CCDC73: variants seen among roughly 807,000 people sequenced by gnomAD.
CCDC73 encodes coiled-coil domain containing 73, also known as coiled-coil domain-containing protein 73.
CCDC73 carries 95 observed loss-of-function variants against 116.5 expected under a neutral mutation model. That is an observed-to-expected ratio of 0.82 (90% CI 0.69 to 0.97). CCDC73 has a LOEUF of 0.97. CCDC73 is among the 50% of genes least tolerant of loss of function. The pLI is 0.00. For synonymous variants in CCDC73, 398 were observed against 401.3 expected, an observed-to-expected ratio of 0.99 and a Z score of 0.10; for missense variants, 1,066 against 1,206.8, an observed-to-expected ratio of 0.88 and a Z score of 1.73.
At chr11:32,814,137 C>A in the CCDC73 span, among the ~76,000 whole-genome samples, 2 of 152,032 alleles carry the variant, frequency 1.3e-5, no homozygotes, top group Non-Finnish European at 2.9e-5. Context: ...TTATTTATTG[C>A]CCTGAGATTC....
Position 32,761,483 on chromosome 11 carries a change from G to C in CCDC73, c.-15-1225C>G, listed in dbSNP as rs189456467. On this transcript the variant is annotated intron_variant, in intron 1 of 17. Transcript: ENST00000335185. ...AAAATTGTTGGGTTGAGTGAATATTGAGTCCATTTTTAGTTGTAAAGGAAA... is the reference window on the plus strand; with the variant it reads ...AAAATTGTTGGGTTGAGTGAATATTCAGTCCATTTTTAGTTGTAAAGGAAA... 2.6e-5 allele frequency among the ~76,000 whole-genome samples: 4 copies of C among 152,102 alleles called. No individual in the cohort carries two copies. In the East Asian group the frequency reaches 7.7e-4, roughly 29 times the overall value.
chr11:32,823,748 A>T, the CCDC73 span, among the ~76,000 whole-genome samples: 9 of 150,748 alleles, frequency 6.0e-5, no homozygotes, highest in Admixed American at 2.0e-4. Context: ...TAAAAAAAAA[A>T]TTTTTTTTTT....
chr11:32,654,906 C>T lies in CCDC73; in HGVS notation c.712G>A (p.Glu238Lys). The T allele has an allele frequency of 6.2e-7, 1 of 1,602,926 alleles. No individual in the cohort carries two copies. The highest frequency in any genetic ancestry group is 1.1e-5 in the South Asian group (1 of 88,412). The part of the protein sequence containing the change: ...KVTCQYKMGE[E>K]NINLTIKEQK... The stretch of plus-strand genomic sequence containing the variant: ...TCTTTAATTGTTAGATTGATGTTTT[C>T]TTCTCCCATCTTATATTGACATGTG... The change falls in exon 10 of 18, where the codon GAA becomes AAA. Residue 238 changes from glutamate to lysine, a missense_variant. Glu to Lys is a moderately conservative substitution (Grantham distance 56). Transcript: ENST00000335185.
At chr11:32,783,417 C>T (rs188833150) in intron 1 of CCDC73, among the ~76,000 whole-genome samples, 248 of 152,214 alleles carry the variant, frequency 1.6e-3, no homozygotes, top group African/African-American at 5.7e-3. Context: ...GCATGGGATC[C>T]AGGAAACAGC....
intron 15 of CCDC73, 110 bp from the exon 16 acceptor site, chr11:32,615,052 A>T: frequency 3.2e-6 from 2 of 623,264 alleles, no homozygotes; most frequent in Non-Finnish European, 5.3e-6. Context: ...TAAATATTTT[A>T]TGGGTCAATA....
intron 9 of CCDC73, among the ~76,000 whole-genome samples, chr11:32,655,579 T>C (rs751182321): frequency 6.6e-6 from 1 of 152,160 alleles, no homozygotes; most frequent in Admixed American, 6.5e-5. Flanking sequence ...TAATAAGATA[T>C]GACTGGAGCT....
chr11:32,781,899 C>G (rs1385657527), intron 1 of CCDC73, among the ~76,000 whole-genome samples: 1 of 152,158 alleles, frequency 6.6e-6, no homozygotes, highest in African/African-American at 2.4e-5. Flanking sequence ...TAGGAACACC[C>G]CAGGCCACGC....
At chr11:32,684,186 G>A (rs1473529924) in intron 6 of CCDC73, among the ~76,000 whole-genome samples, 1 of 151,968 alleles carries the variant, frequency 6.6e-6, no homozygotes, top group Non-Finnish European at 1.5e-5. Flanking sequence ...AAGTAGCTGG[G>A]TACTATAGGA....
intron 9 of CCDC73, among the ~76,000 whole-genome samples, chr11:32,656,603 G>C (rs1352593936): frequency 6.6e-6 from 1 of 152,218 alleles, no homozygotes; most frequent in African/African-American, 2.4e-5. Context: ...CGCAGCAGCA[G>C]CATCAGCAGC....
the CCDC73 span, among the ~76,000 whole-genome samples, chr11:32,826,839 G>A: frequency 6.6e-6 from 1 of 151,966 alleles, no homozygotes; most frequent in African/African-American, 2.4e-5. Flanking sequence ...TTGGAAGAAA[G>A]GCATAAGAAT....
chr11:32,699,858 A>C (rs1445954750), intron 5 of CCDC73, among the ~76,000 whole-genome samples: 2 of 126,936 alleles, frequency 1.6e-5, no homozygotes, highest in Non-Finnish European at 3.3e-5. Flanking sequence ...GTGCACATGT[A>C]CCCTAGAACT....
At chr11:32,736,552 C>T (rs1362058668) in intron 2 of CCDC73, among the ~76,000 whole-genome samples, 2 of 152,072 alleles carry the variant, frequency 1.3e-5, no homozygotes, top group African/African-American at 4.8e-5. Flanking sequence ...AACACTTTTA[C>T]ACTGTTGGTG....
chr11:32,781,901 A>G (rs914030208), intron 1 of CCDC73, among the ~76,000 whole-genome samples: 3 of 152,180 alleles, frequency 2.0e-5, no homozygotes, highest in Admixed American at 1.3e-4. Context: ...GGAACACCCC[A>G]GGCCACGCAG....
Position 32,642,834 on chromosome 11 carries a change from C to A in CCDC73, c.940-752G>T, listed in dbSNP as rs554842053. Among the ~76,000 whole-genome samples the A allele has an allele frequency of 4.6e-5, 7 of 151,680 alleles. No individual in the cohort carries two copies. In the South Asian group the frequency reaches 1.5e-3, roughly 31 times the overall value. On this transcript the variant is annotated intron_variant, in intron 12 of 17. Coordinates refer to ENST00000335185, the MANE Select transcript of CCDC73 (RefSeq NM_001008391.4). ...AGTTGTTTACAAAGCTATGCACATT[C>A]AGGTTAAAAATGTCAAGCCACACAA...
At chr11:32,721,050 G>T (rs912987408) in intron 2 of CCDC73, among the ~76,000 whole-genome samples, 1 of 151,958 alleles carries the variant, frequency 6.6e-6, no homozygotes, top group Non-Finnish European at 1.5e-5. Flanking sequence ...ACACAGTCTC[G>T]CTCTGTCACC....
intron 14 of CCDC73, among the ~76,000 whole-genome samples, chr11:32,633,920 C>A (rs1855655725): frequency 6.6e-6 from 1 of 152,102 alleles, no homozygotes; most frequent in African/African-American, 2.4e-5. Context: ...CAGCCAGGGG[C>A]CAACTTTGCT....
intron 2 of CCDC73, among the ~76,000 whole-genome samples, chr11:32,723,646 C>A (rs1298436957): frequency 6.6e-6 from 1 of 152,110 alleles, no homozygotes; most frequent in African/African-American, 2.4e-5. Context: ...CTGCCTGAAG[C>A]AAACACTTTA....
chr11:32,794,590 C>T (rs1298158896), intron 1 of CCDC73, 23 bp downstream of exon 1: 2 of 152,282 alleles, frequency 1.3e-5, no homozygotes, highest in African/African-American at 4.8e-5. Flanking sequence ...CCCAACTACA[C>T]GCTTGTGACT....
chr11:32,782,624 T>C (rs529553797), intron 1 of CCDC73, among the ~76,000 whole-genome samples: 1 of 152,230 alleles, frequency 6.6e-6, no homozygotes, highest in Admixed American at 6.5e-5. Context: ...AACTGAAATT[T>C]TAAAAGCCAA....
Sources: gnomAD v4.1 joint callset for allele counts (sites outside exome capture counted in the v4.1 genomes callset) on GRCh38, gnomAD v4.1.1 for gene constraint, MANE v1.5 for transcripts, NCBI Gene and HGNC (gene_info 2026-07-23, HGNC 2026-07-21) for gene names.